Variants in POLD3 observed in about 807,000 individuals in gnomAD.
POLD3 encodes the protein DNA polymerase delta 3, accessory subunit.
In POLD3, 19 loss-of-function variants were observed where a neutral mutation model predicts 58.2. The ratio of observed to expected loss-of-function variants is 0.33; its 90% CI spans 0.23 to 0.48. POLD3 has a LOEUF of 0.48. Among genes scored for constraint, POLD3 ranks in the 20% least tolerant of loss-of-function variants. The probability of loss-of-function intolerance (pLI) is 0.99; values close to 1 mark genes in which losing one functional copy is unlikely to be tolerated. For synonymous variants in POLD3, 172 were observed against 193.5 expected (o/e 0.89, Z 0.92); for missense variants, 504 against 545.5 (o/e 0.92, Z 0.76).
At position 74,618,653 on chromosome 11, in the gene POLD3, A is replaced by G. The variant is rs1203247644; in HGVS notation, c.509A>G (p.Asn170Ser). ...ATGTCAAGTGAGACACAAGCCAACAATGAGCTGACCACCAATGGTCATGGC... is the reference window on the plus strand; with the variant it reads ...ATGTCAAGTGAGACACAAGCCAACAGTGAGCTGACCACCAATGGTCATGGC... The part of the protein sequence containing the change: ...LHMSSETQAN[N>S]ELTTNGHGPP... Residue 170 changes from asparagine (N) to serine (S), a missense_variant, in exon 6 of 12, where the codon AAT (asparagine) becomes AGT (serine). Transcript: ENST00000263681. 1 of 1,614,218 alleles carries G rather than the reference A, an allele frequency of 6.2e-7. No homozygotes were observed. Among genetic ancestry groups the G allele is most frequent in the South Asian group, 1.1e-5 (1 of 91,082 alleles).
At chr11:74,624,268 CT>C (rs1201549937) in intron 7 of POLD3, among the ~76,000 whole-genome samples, 12 of 152,116 alleles carry the variant, frequency 7.9e-5, no homozygotes, top group Non-Finnish European at 1.5e-4. Flanking sequence ...TTGAGAGGCA[CT>C]GATACTTGAG....
At chr11:74,596,164 G>C (rs2031245361) in intron 2 of POLD3, among the ~76,000 whole-genome samples, 2 of 149,870 alleles carry the variant, frequency 1.3e-5, no homozygotes, top group Non-Finnish European at 3.0e-5. Flanking sequence ...ACTGTGCCCG[G>C]CCTAAGAAGA....
At chr11:74,648,772 T>C (rs1282676496) in intron 4 of POLD3, among the ~76,000 whole-genome samples, 1 of 152,198 alleles carries the variant, frequency 6.6e-6, no homozygotes, top group Non-Finnish European at 1.5e-5. Context: ...AATTTTAACA[T>C]GTCAGATTCG....
chr11:74,628,451 G>A lies in POLD3; in HGVS notation c.900-766G>A, dbSNP rs115479498. On this transcript the variant is annotated intron_variant, in intron 8 of 11. Coordinates refer to ENST00000263681, the MANE Select transcript of POLD3 (RefSeq NM_006591.3). ...TATTTAAAGTTATATAGGACATAAG[G>A]TACTTGATGGCAAAGATTATGTCTT... Among the ~76,000 whole-genome samples, 221 of 152,140 alleles carry A rather than the reference G, an allele frequency of 1.5e-3. 1 individual carries two copies. The highest frequency in any genetic ancestry group is 5.0e-3 in the African/African-American group (209 of 41,500).
chr11:74,609,063 C>T (rs1043725312), intron 3 of POLD3, among the ~76,000 whole-genome samples: 20 of 151,898 alleles, frequency 1.3e-4, no homozygotes, highest in African/African-American at 2.4e-5. Flanking sequence ...GACAAATACA[C>T]GAGGTTTAGA....
chr11:74,640,454 AT>A, intron 11 of POLD3, 109 bp from the exon 12 acceptor site: 1 of 1,309,850 alleles, frequency 7.6e-7, no homozygotes, highest in Non-Finnish European at 1.0e-6. Context: ...AAGTAAGCAT[AT>A]TTGCCTTGAT....
At chr11:74,603,632 G>A (rs530495510) in intron 2 of POLD3, among the ~76,000 whole-genome samples, 1 of 152,250 alleles carries the variant, frequency 6.6e-6, no homozygotes, top group South Asian at 2.1e-4. Context: ...CAACAGTTAA[G>A]GAAAGGGAGG....
chr11:74,632,848 A>T (rs1051422512), intron 9 of POLD3, among the ~76,000 whole-genome samples: 1 of 140,304 alleles, frequency 7.1e-6, no homozygotes, highest in Non-Finnish European at 1.5e-5. Context: ...TTAGTTCAGA[A>T]AGTGGTGGTT....
In POLD3 at chr11:74,625,590, G is replaced by C; in HGVS notation, c.899+17G>C. 6.3e-7 allele frequency: 1 copy of C among 1,598,200 alleles called. No individual in the cohort carries two copies. The highest frequency in any genetic ancestry group is 8.5e-7 in the Non-Finnish European group (1 of 1,173,848). Reference sequence around the variant, plus strand: ...AAAAAAAAGGTAGGAAAATTTTGTTGCTTATTGGGGAAGAGTCTTTACTGG... The same window carrying C: ...AAAAAAAAGGTAGGAAAATTTTGTTCCTTATTGGGGAAGAGTCTTTACTGG... On this transcript the variant is annotated intron_variant, in intron 8 of 11. Transcript: ENST00000263681.
At chr11:74,629,408 C>CATTAATT in intron 9 of POLD3, 85 bp downstream of exon 9, 1 of 711,810 alleles carries the variant, frequency 1.4e-6, no homozygotes, top group South Asian at 1.8e-5. Context: ...GATTAAGGAT[C>CATTAATT]ACAATGAGAG....
downstream of POLD3, among the ~76,000 whole-genome samples, chr11:74,645,706 T>C (rs2032990604): frequency 6.6e-6 from 1 of 152,162 alleles, no homozygotes; most frequent in South Asian, 2.1e-4. Flanking sequence ...CAAAGCAGAG[T>C]AACTCACATT....
At chr11:74,599,564 A>G (rs2031408388) in intron 2 of POLD3, among the ~76,000 whole-genome samples, 1 of 150,400 alleles carries the variant, frequency 6.6e-6, no homozygotes, top group Admixed American at 6.6e-5. Context: ...GGGTTTCACG[A>G]TCTTGGCCAG....
At chr11:74,654,615 GT>G (rs2033110116) in intron 4 of POLD3, among the ~76,000 whole-genome samples, 1 of 152,172 alleles carries the variant, frequency 6.6e-6, no homozygotes, top group African/African-American at 2.4e-5. Flanking sequence ...AGTAAAAATA[GT>G]GGGAGTCTGT....
At chr11:74,643,277 T>C (rs980642923), downstream of POLD3, among the ~76,000 whole-genome samples, 1 of 152,198 alleles carries the variant, frequency 6.6e-6, no homozygotes. Flanking sequence ...AGTTGTCCTA[T>C]TTCATGAAAG....
chr11:74,610,393 T>A (rs2031870078), intron 3 of POLD3, among the ~76,000 whole-genome samples: 1 of 152,104 alleles, frequency 6.6e-6, no homozygotes, highest in African/African-American at 2.4e-5. Context: ...GTATTTTTAG[T>A]AGAGTCAGGT....
intron 4 of POLD3, chr11:74,652,818 T>TTGCCCC (rs1162912626): frequency 2.4e-5 from 4 of 168,922 alleles, no homozygotes; most frequent in Non-Finnish European, 5.4e-5. Flanking sequence ...ATGCTTGCCC[T>TTGCCCC]TGCCCCACAA....
At chr11:74,653,421 C>A (rs1378413272) in intron 4 of POLD3, among the ~76,000 whole-genome samples, 2 of 144,202 alleles carry the variant, frequency 1.4e-5, no homozygotes, top group Non-Finnish European at 2.9e-5. Flanking sequence ...ATAGTATACT[C>A]TTCTTCTTAT....
At chr11:74,608,684 C>T (rs1165599805) in intron 3 of POLD3, among the ~76,000 whole-genome samples, 5 of 152,158 alleles carry the variant, frequency 3.3e-5, no homozygotes, top group East Asian at 3.8e-4. Context: ...TATAGCCACA[C>T]GGACCTGTCT....
chr11:74,618,227 T>C (rs1473299018), intron 5 of POLD3, among the ~76,000 whole-genome samples: 1 of 38,804 alleles, frequency 2.6e-5, no homozygotes, highest in African/African-American at 3.7e-4. Flanking sequence ...TAGAATACTT[T>C]TATCAAAAAC....
Sources: gnomAD v4.1 joint callset for allele counts (sites outside exome capture counted in the v4.1 genomes callset) on GRCh38, gnomAD v4.1.1 for gene constraint, MANE v1.5 for transcripts, NCBI Gene and HGNC (gene_info 2026-07-23, HGNC 2026-07-21) for gene names.